The following EFCAB5 variants were observed in gnomAD, a reference collection of about 807,000 sequenced individuals.
EFCAB5 encodes the protein EF-hand calcium-binding domain-containing protein 5.
In EFCAB5, 131 loss-of-function variants were observed where a neutral mutation model predicts 167.9. The ratio of observed to expected loss-of-function variants is 0.78; its 90% CI spans 0.68 to 0.90. The LOEUF is 0.90. Ranked by LOEUF, EFCAB5 falls within the 40% of genes least tolerant of loss-of-function variation. EFCAB5 has a pLI of 0.00. For missense variants in EFCAB5, 1,663 were observed against 1,745.2 expected, an observed-to-expected ratio of 0.95 and a Z score of 0.84; for synonymous variants, 574 against 602.8, an observed-to-expected ratio of 0.95 and a Z score of 0.70.
Position 30,064,650 on chromosome 17 carries a change from G to A in EFCAB5, c.2737+4949G>A, listed in dbSNP as rs192862599. ...CCCAAGTCTGGGGAGATATATGGAC[G>A]TCCAGATCCAGGAAGCTCAAAATTT... On this transcript the variant is annotated intron_variant, in intron 14 of 22. Transcript: ENST00000394835. 1.8e-3 allele frequency among the ~76,000 whole-genome samples: 272 copies of A among 152,208 alleles called. 2 individuals carry two copies. Among genetic ancestry groups the A allele is most frequent in the African/African-American group, 6.1e-3 (253 of 41,542 alleles).
chr17:30,027,845 C>G (rs79530436), intron 7 of EFCAB5, among the ~76,000 whole-genome samples: 3 of 152,240 alleles, frequency 2.0e-5, no homozygotes, highest in African/African-American at 7.2e-5. Flanking sequence ...TTACCAGGGG[C>G]AAGTGAAAAC....
intron 3 of EFCAB5, among the ~76,000 whole-genome samples, chr17:29,959,025 C>T (rs1225573178): frequency 1.3e-5 from 2 of 152,212 alleles, no homozygotes; most frequent in Non-Finnish European, 2.9e-5. Flanking sequence ...CTGTGCTGAG[C>T]TGCCTGGACT....
At chr17:29,991,758 C>T (rs986371076) in intron 4 of EFCAB5, among the ~76,000 whole-genome samples, 6 of 152,158 alleles carry the variant, frequency 3.9e-5, no homozygotes, top group African/African-American at 1.2e-4. Context: ...GTTCCCAACA[C>T]CTGAAATCAA....
chr17:30,065,696 ACTATATGCTGC>A (rs984250005), intron 14 of EFCAB5: 2 of 152,126 alleles, frequency 1.3e-5, no homozygotes, highest in Admixed American at 1.3e-4. Flanking sequence ...ACATGACCTA[ACTATATGCTGC>A]CTAGAAGAAA....
At chr17:30,081,429 T>C (rs547787960) in intron 17 of EFCAB5, among the ~76,000 whole-genome samples, 4 of 152,334 alleles carry the variant, frequency 2.6e-5, no homozygotes, top group African/African-American at 9.6e-5. Flanking sequence ...TTTTTGAGGA[T>C]GAAAAATAAA....
intron 3 of EFCAB5, among the ~76,000 whole-genome samples, chr17:29,967,545 C>G (rs965182881): frequency 6.6e-6 from 1 of 152,172 alleles, no homozygotes; most frequent in South Asian, 2.1e-4. Context: ...TCCACCGTAT[C>G]TTTTTAGTCC....
intron 4 of EFCAB5, among the ~76,000 whole-genome samples, chr17:29,975,714 A>T (rs898660830): frequency 6.6e-6 from 1 of 152,172 alleles, no homozygotes; most frequent in Admixed American, 6.5e-5. Flanking sequence ...CTCTTGTTTT[A>T]TGTGTGGTTA....
chr17:30,041,430 G>A (rs1375861853), intron 8 of EFCAB5, among the ~76,000 whole-genome samples: 1 of 152,226 alleles, frequency 6.6e-6, no homozygotes, highest in African/African-American at 2.4e-5. Flanking sequence ...GCCTGCAGAT[G>A]TGACTGAATT....
chr17:29,975,315 A>C (rs1299566798), intron 4 of EFCAB5, among the ~76,000 whole-genome samples: 1 of 151,624 alleles, frequency 6.6e-6, no homozygotes, highest in Non-Finnish European at 1.5e-5. Context: ...TCAGGAGTGC[A>C]ATGGCACAAT....
rs1043994519 is a variant in EFCAB5, at chr17:30,036,092, A to G, written c.1200+1707A>G. 2.1e-5 allele frequency among the ~76,000 whole-genome samples: 3 copies of G among 144,268 alleles called. No homozygotes were observed. The Admixed American group carries it at 2.2e-4, about 10-fold the overall frequency. The allele number at this position is 144,268 out of a possible 152,430, so 94.6% of individuals were successfully genotyped here. ...ATTTATATATATTTTATATATAACC[A>G]TATATTTATACATATTTAATATATA... On this transcript the variant is annotated intron_variant, in intron 8 of 22. Coordinates refer to ENST00000394835, the MANE Select transcript of EFCAB5 (RefSeq NM_198529.4).
At chr17:30,017,379 GA>G (rs1426421456) in intron 7 of EFCAB5, among the ~76,000 whole-genome samples, 1 of 152,124 alleles carries the variant, frequency 6.6e-6, no homozygotes, top group Non-Finnish European at 1.5e-5. Context: ...GCAAAGATGA[GA>G]ATTTTTAAAT....
intron 3 of EFCAB5, among the ~76,000 whole-genome samples, chr17:29,954,839 G>A (rs868205057): frequency 6.6e-6 from 1 of 152,344 alleles, no homozygotes; most frequent in Middle Eastern, 3.4e-3. Context: ...CAAAGCCACA[G>A]GGGCAGAGCT....
intron 8 of EFCAB5, among the ~76,000 whole-genome samples, chr17:30,043,551 C>T (rs2069833980): frequency 4.6e-5 from 7 of 152,124 alleles, no homozygotes; most frequent in Admixed American, 4.6e-4. Context: ...AAAATCAATA[C>T]ATGGAAGTCA....
chr17:29,932,221 G>T (rs2067206474), intron 1 of EFCAB5, among the ~76,000 whole-genome samples: 1 of 150,804 alleles, frequency 6.6e-6, no homozygotes, highest in Admixed American at 6.6e-5. Context: ...TGCAATCTCG[G>T]CTCACTGCAA....
chr17:30,058,022 T>TA (rs1194183594), intron 13 of EFCAB5, 132 bp downstream of exon 13: 3 of 751,254 alleles, frequency 4.0e-6, no homozygotes, highest in Admixed American at 6.1e-5. Flanking sequence ...TCAACAAGCA[T>TA]AGCCATTAAA....
intron 14 of EFCAB5, chr17:30,069,190 C>T: frequency 3.2e-6 from 5 of 1,548,364 alleles, no homozygotes; most frequent in Non-Finnish European, 4.5e-6. Context: ...GAAAGTTTCA[C>T]AGTGTCCTTC....
intron 1 of EFCAB5, chr17:29,930,145 G>C: frequency 2.7e-6 from 2 of 737,180 alleles, no homozygotes; most frequent in Non-Finnish European, 4.4e-6. Context: ...AACGGCCGCA[G>C]ACTCCGCACC....
At chr17:30,089,602 G>A (rs1052513766) in intron 19 of EFCAB5, among the ~76,000 whole-genome samples, 2 of 152,102 alleles carry the variant, frequency 1.3e-5, no homozygotes, top group South Asian at 4.2e-4. Context: ...TGCTATAGAT[G>A]CTCTACCCAG....
At chr17:30,039,358 A>T (rs114313036) in intron 8 of EFCAB5, among the ~76,000 whole-genome samples, 6 of 152,168 alleles carry the variant, frequency 3.9e-5, no homozygotes, top group Non-Finnish European at 7.3e-5. Context: ...TCATCTTTCC[A>T]TCTTTTCCTT....
Sources: gnomAD v4.1 joint callset for allele counts (sites outside exome capture counted in the v4.1 genomes callset) on GRCh38, gnomAD v4.1.1 for gene constraint, MANE v1.5 for transcripts, NCBI Gene and HGNC (gene_info 2026-07-23, HGNC 2026-07-21) for gene names.